PROKR1: variants seen among roughly 807,000 people sequenced by gnomAD.
PROKR1 encodes the protein prokineticin receptor 1, also known as G protein-coupled receptor 73.
A neutral mutation model predicts 22.8 loss-of-function variants in PROKR1; 21 were observed. The ratio of observed to expected loss-of-function variants is 0.92; its 90% CI spans 0.65 to 1.32. The LOEUF is 1.32. Ranked by LOEUF, PROKR1 falls within the 40% of genes most tolerant of loss-of-function variation. The pLI is 0.00. For missense variants in PROKR1, 548 were observed against 514.2 expected (o/e 1.07, Z -0.64); for synonymous variants, 193 against 207.5 (o/e 0.93, Z 0.60).
chr2:68,648,467 A>G (rs57584781), intron 2 of PROKR1, among the ~76,000 whole-genome samples: 2,278 of 152,304 alleles, frequency 0.015, 60 homozygotes, highest in African/African-American at 0.052. Flanking sequence ...GGGAGCTTCT[A>G]TGGTTGAGTG....
Position 68,645,703 on chromosome 2 carries a change from C to G in PROKR1, c.-119C>G. ...AGATACCATACCCCAAAGATGCTGG[C>G]AGAGACATTCTGACTCATTAAGGGA... is the stretch of plus-strand genomic sequence containing the variant. On this transcript the variant is annotated 5_prime_UTR_variant, in exon 2 of 3. Coordinates refer to ENST00000303786, the MANE Select transcript of PROKR1 (RefSeq NM_138964.4). The G allele has an allele frequency of 1.4e-6, 2 of 1,382,552 alleles. No individual in the cohort carries two copies. The highest frequency in any genetic ancestry group is 2.0e-6 in the Non-Finnish European group (2 of 981,844). The allele number at this position is 1,382,552 out of a possible 1,614,324, so 85.6% of individuals were successfully genotyped here. A position where few individuals can be genotyped will look rare whatever the true frequency, so the allele number is the denominator to read the frequency against.
At chr2:68,650,079 G>A (rs550658858) in intron 2 of PROKR1, among the ~76,000 whole-genome samples, 1 of 113,972 alleles carries the variant, frequency 8.8e-6, no homozygotes, top group Non-Finnish European at 1.7e-5. Flanking sequence ...GGTGGGGGGA[G>A]GGGGGAGGGA....
At chr2:68,646,605 G>C (rs768986767) in intron 2 of PROKR1, among the ~76,000 whole-genome samples, 1 of 152,214 alleles carries the variant, frequency 6.6e-6, no homozygotes, top group Non-Finnish European at 1.5e-5. Flanking sequence ...AGAGTAGACA[G>C]GTAAGAGGAG....
rs77383361 is a variant in PROKR1, at chr2:68,653,767, G to C, written c.486-1113G>C. 1.7e-3 allele frequency among the ~76,000 whole-genome samples: 258 copies of C among 152,128 alleles called. 2 individuals carry two copies. Among genetic ancestry groups the C allele is most frequent in the African/African-American group, 6.0e-3 (249 of 41,514 alleles). ...GCTATCAGCTCTCATGCCGCACAAT[G>C]ACTCATTTCCCCCCTAGAAAGTGCT... On this transcript the variant is annotated intron_variant, in intron 2 of 2. Transcript: ENST00000303786.
chr2:68,653,172 G>A (rs1673372216), intron 2 of PROKR1, among the ~76,000 whole-genome samples: 1 of 152,190 alleles, frequency 6.6e-6, no homozygotes, highest in Non-Finnish European at 1.5e-5. Context: ...GCCCACACTC[G>A]TGCATTGACA....
intron 2 of PROKR1, among the ~76,000 whole-genome samples, chr2:68,652,537 G>A (rs888848327): frequency 6.6e-6 from 1 of 152,190 alleles, no homozygotes; most frequent in Non-Finnish European, 1.5e-5. Flanking sequence ...AGATTACCCT[G>A]AAGATTAGTT....
At chr2:68,653,363 G>C (rs891180735) in intron 2 of PROKR1, among the ~76,000 whole-genome samples, 2 of 152,100 alleles carry the variant, frequency 1.3e-5, no homozygotes, top group African/African-American at 4.8e-5. Flanking sequence ...TCTAAAGGAT[G>C]CTCAATAGGC....
Position 68,655,052 on chromosome 2 carries a change from A to T in PROKR1, c.658A>T (p.Ile220Phe), listed in dbSNP as rs755934863. The change falls in exon 3 of 3, where the codon ATC (isoleucine) becomes TTC (phenylalanine). Residue 220 changes from isoleucine (I) to phenylalanine (F), a missense_variant. By Grantham distance (21) the Ile-to-Phe change is conservative. Transcript: ENST00000303786. ...KSQEKIFCGQ[I>F]WPVDQQLYYK... ...CCAGGAAAAGATCTTCTGCGGCCAG[A>T]TCTGGCCTGTGGACCAGCAGCTCTA... 1 of 1,613,608 alleles carries T rather than the reference A, an allele frequency of 6.2e-7. No individual in the cohort carries two copies. The highest frequency in any genetic ancestry group is 8.5e-7 in the Non-Finnish European group (1 of 1,179,954).
chr2:68,648,807 T>G (rs1673244979), intron 2 of PROKR1, among the ~76,000 whole-genome samples: 2 of 152,222 alleles, frequency 1.3e-5, no homozygotes, highest in Admixed American at 1.3e-4. Flanking sequence ...ATGTTGGCAG[T>G]TATTCTGCCT....
rs1371875492 is a variant in PROKR1, at chr2:68,643,776, G to C, written c.-233G>C. On this transcript the variant is annotated 5_prime_UTR_variant, in exon 1 of 3. Coordinates refer to ENST00000303786, the MANE Select transcript of PROKR1 (RefSeq NM_138964.4). ...CCTGCCCTTCGCCTGCCGGCTTCTG[G>C]AAGAAGCGTCTCCTGATCCGGCCCC... 6.6e-6 allele frequency: 1 copy of C among 152,358 alleles called. No individual in the cohort carries two copies. The highest frequency in any genetic ancestry group is 1.5e-5 in the Non-Finnish European group (1 of 68,132). 9.4% of individuals were successfully genotyped at this position (152,358 alleles called of 1,614,324 possible).
In PROKR1 at chr2:68,655,084, G is replaced by A; in HGVS notation, c.690G>A (p.Lys230=). 6.2e-7 allele frequency: 1 copy of A among 1,614,084 alleles called. No homozygotes were observed. Among genetic ancestry groups the A allele is most frequent in the South Asian group, 1.1e-5 (1 of 91,080 alleles). The change falls in exon 3 of 3, where the codon AAG becomes AAA. Residue 230 remains lysine (K), a synonymous_variant. Coordinates refer to ENST00000303786, the MANE Select transcript of PROKR1 (RefSeq NM_138964.4). ...IWPVDQQLYY[K]SYFLFIFGIE... ...CTGTGGACCAGCAGCTCTACTACAA[G>A]TCCTACTTCCTCTTTATCTTTGGCA...
intron 2 of PROKR1, among the ~76,000 whole-genome samples, chr2:68,649,959 C>T (rs1673278573): frequency 6.6e-6 from 1 of 151,270 alleles, no homozygotes; most frequent in African/African-American, 2.4e-5. Context: ...CACTCTCCTG[C>T]TTAAAAACAA....
At position 68,652,077 on chromosome 2, in the gene PROKR1, G is replaced by T. The variant is rs1269200375; in HGVS notation, c.486-2803G>T. ...TTGCTCTTGGATGAAAGAAGAGGGG[G>T]TAAATAGCATTCAGAGAGGCCACTG... is the stretch of plus-strand genomic sequence containing the variant. On this transcript the variant is annotated intron_variant, in intron 2 of 2. Coordinates refer to ENST00000303786, the MANE Select transcript of PROKR1 (RefSeq NM_138964.4). Among the ~76,000 whole-genome samples the T allele has an allele frequency of 1.3e-5, 2 of 152,186 alleles. 1 individual carries two copies. Among genetic ancestry groups the T allele is most frequent in the Non-Finnish European group, 2.9e-5 (2 of 68,030 alleles).
chr2:68,646,029 G>A lies in PROKR1; in HGVS notation c.208G>A (p.Val70Met). Residue 70 changes from valine (V) to methionine (M), a missense_variant, in exon 2 of 3, where the codon GTG becomes ATG. By Grantham distance (21) the Val-to-Met change is conservative. Coordinates refer to ENST00000303786, the MANE Select transcript of PROKR1 (RefSeq NM_138964.4). ...CAAGATTGTCATTGGGATGGCCCTG[G>A]TGGGCATCATGCTGGTCTGCGGCAT... is the stretch of plus-strand genomic sequence containing the variant. The part of the protein sequence containing the change: ...AAKIVIGMAL[V>M]GIMLVCGIGN... The A allele has an allele frequency of 1.2e-6, 2 of 1,614,252 alleles. No homozygotes were observed. Among genetic ancestry groups the A allele is most frequent in the Non-Finnish European group, 1.7e-6 (2 of 1,180,048 alleles).
intron 2 of PROKR1, among the ~76,000 whole-genome samples, chr2:68,651,177 C>A (rs1434681938): frequency 6.6e-6 from 1 of 151,426 alleles, no homozygotes; most frequent in Admixed American, 6.6e-5. Context: ...GCCTGGGCAA[C>A]ATAGGTAGAT....
chr2:68,645,925 T>A lies in PROKR1; in HGVS notation c.104T>A (p.Phe35Tyr), dbSNP rs1421463682. ...GGAGCCCATGCCACTTCCTTCCCATTCAACTTCAGCTACAGCGACTATGAT... is the reference window on the plus strand; with the variant it reads ...GGAGCCCATGCCACTTCCTTCCCATACAACTTCAGCTACAGCGACTATGAT... ...PHGAHATSFPFNFSYSDYDMP... is the reference protein window; with the variant it reads ...PHGAHATSFPYNFSYSDYDMP... Residue 35 changes from phenylalanine to tyrosine, a missense_variant, in exon 2 of 3, where the codon TTC (phenylalanine) becomes TAC (tyrosine). Physicochemically the swap from Phe to Tyr is conservative, Grantham distance 22. Coordinates refer to ENST00000303786, the MANE Select transcript of PROKR1 (RefSeq NM_138964.4). 2 of 1,614,176 alleles carry A rather than the reference T, an allele frequency of 1.2e-6. No homozygotes were observed. The highest frequency in any genetic ancestry group is 4.5e-5 in the East Asian group (2 of 44,886).
chr2:68,653,047 G>A (rs1291701150), intron 2 of PROKR1, among the ~76,000 whole-genome samples: 1 of 152,206 alleles, frequency 6.6e-6, no homozygotes, highest in Non-Finnish European at 1.5e-5. Flanking sequence ...TGGTGGGGTA[G>A]ACAGACAGCA....
In PROKR1 at chr2:68,645,793, C is replaced by T; in HGVS notation, c.-29C>T. 1 of 1,614,110 alleles carries T rather than the reference C, an allele frequency of 6.2e-7. No homozygotes were observed. Among genetic ancestry groups the T allele is most frequent in the East Asian group, 2.2e-5 (1 of 44,880 alleles). ...AGACATTGCCCTGGGGAATTCTGAG[C>T]AGTGTTGCTCACAGCACCACCTGGC... is the stretch of plus-strand genomic sequence containing the variant. On this transcript the variant is annotated 5_prime_UTR_variant, in exon 2 of 3. Transcript: ENST00000303786.
chr2:68,654,214 T>C (rs1322962608), intron 2 of PROKR1, among the ~76,000 whole-genome samples: 1 of 152,144 alleles, frequency 6.6e-6, no homozygotes, highest in Non-Finnish European at 1.5e-5. Context: ...GTAATTAGAA[T>C]GAACAGCCCA....
Sources: allele counts gnomAD v4.1 joint callset (sites outside exome capture counted in the v4.1 genomes callset), GRCh38; gene constraint gnomAD v4.1.1; transcripts MANE v1.5; gene names NCBI Gene and HGNC (gene_info 2026-07-23, HGNC 2026-07-21).